GPC6: variants seen among roughly 807,000 people sequenced by gnomAD.
The protein encoded by GPC6 is glypican 6.
In GPC6, 14 loss-of-function variants were observed where a neutral mutation model predicts 55.2. The observed-to-expected ratio is 0.25, with a 90% CI of 0.17 to 0.40. The LOEUF is 0.40. Ranked by LOEUF, GPC6 falls within the 10% of genes least tolerant of loss-of-function variation. The pLI, the probability that GPC6 is intolerant of heterozygous loss-of-function variation, is 1.00. For synonymous variants in GPC6, 278 were observed against 259.6 expected (o/e 1.07, Z -0.68); for missense variants, 641 against 708.5 (o/e 0.90, Z 1.08).
intron 2 of GPC6, among the ~76,000 whole-genome samples, chr13:93,749,617 ATATT>A (rs1884509663): frequency 6.6e-6 from 1 of 152,090 alleles, no homozygotes; most frequent in Admixed American, 6.6e-5. Flanking sequence ...ATTGCAATAA[ATATT>A]TATAACATGT....
chr13:93,450,634 C>A, intron 1 of GPC6: 1 of 440,028 alleles, frequency 2.3e-6, no homozygotes. Flanking sequence ...ATAGCTCCCT[C>A]AACTTCTGCA....
intron 2 of GPC6, among the ~76,000 whole-genome samples, chr13:93,763,707 C>T (rs1205777641): frequency 6.6e-6 from 1 of 152,180 alleles, no homozygotes; most frequent in Non-Finnish European, 1.5e-5. Context: ...AGAATTTGTG[C>T]ACTTTGTAAA....
chr13:94,348,676 A>G (rs766650546), intron 6 of GPC6, among the ~76,000 whole-genome samples: 8 of 152,108 alleles, frequency 5.3e-5, no homozygotes, highest in Non-Finnish European at 1.2e-4. Flanking sequence ...TGTATCACAA[A>G]TGCTTCCTCC....
chr13:93,809,207 C>A (rs1214118796), intron 2 of GPC6, among the ~76,000 whole-genome samples: 1 of 152,162 alleles, frequency 6.6e-6, no homozygotes, highest in Admixed American at 6.5e-5. Context: ...TCTGCCAAGT[C>A]AGATGGCTAC....
intron 2 of GPC6, among the ~76,000 whole-genome samples, chr13:93,767,232 TTTGGAC>T (rs1885153922): frequency 6.6e-6 from 1 of 152,186 alleles, no homozygotes; most frequent in African/African-American, 2.4e-5. Context: ...GCAGCTGTAT[TTTGGAC>T]TTACTTAGAG....
chr13:93,631,751 A>G (rs1218721658), intron 2 of GPC6, among the ~76,000 whole-genome samples: 1 of 152,190 alleles, frequency 6.6e-6, no homozygotes, highest in Non-Finnish European at 1.5e-5. Flanking sequence ...TGTGTTCCCC[A>G]TGGCATCTAG....
intron 2 of GPC6, among the ~76,000 whole-genome samples, chr13:93,779,539 G>A (rs1229299200): frequency 6.6e-6 from 1 of 152,112 alleles, no homozygotes; most frequent in African/African-American, 2.4e-5. Context: ...GCTGGGTGGC[G>A]TGCCCCTCCA....
intron 1 of GPC6, among the ~76,000 whole-genome samples, chr13:93,407,265 T>TAGAG (rs556879120): frequency 6.6e-6 from 1 of 151,656 alleles, no homozygotes; most frequent in Admixed American, 6.6e-5. Flanking sequence ...ATTTTTTATT[T>TAGAG]AGAGAGAGAG....
rs147209725 is a variant in GPC6 at position 93,627,353 on chromosome 13, G to A, written c.319+81932G>A. 2.6e-3 allele frequency among the ~76,000 whole-genome samples: 403 copies of A among 152,138 alleles called. 3 individuals are homozygous for A. Among genetic ancestry groups the A allele is most frequent in the African/African-American group, 9.0e-3 (374 of 41,492 alleles). The stretch of plus-strand genomic sequence containing the variant: ...TGAACTCATCCTTTTTTATGGCTGC[G>A]TAATATTTCATGGTGTATATGTGCC... On this transcript the variant is annotated intron_variant, in intron 2 of 8. Coordinates refer to ENST00000377047, the MANE Select transcript of GPC6 (RefSeq NM_005708.5).
chr13:94,315,457 G>T (rs1478210027), intron 6 of GPC6, among the ~76,000 whole-genome samples: 1 of 152,160 alleles, frequency 6.6e-6, no homozygotes, highest in Non-Finnish European at 1.5e-5. Context: ...TGTCACAATG[G>T]CAGGGGAAAT....
intron 1 of GPC6, among the ~76,000 whole-genome samples, chr13:93,463,241 T>TTTATTATATATAC (rs1300698501): frequency 6.6e-6 from 1 of 152,210 alleles, no homozygotes; most frequent in Non-Finnish European, 1.5e-5. Flanking sequence ...AATGTTTTAT[T>TTTATTATATATAC]AGGTAGCCAC....
At chr13:93,612,506 C>CACACACACACACAT (rs1878521952) in intron 2 of GPC6, among the ~76,000 whole-genome samples, 1 of 143,316 alleles carries the variant, frequency 7.0e-6, no homozygotes, top group Non-Finnish European at 1.5e-5. Context: ...CTAAAACACA[C>CACACACACACACAT]ACACACACAC....
chr13:93,441,938 T>G (rs1369558162), intron 1 of GPC6, among the ~76,000 whole-genome samples: 1 of 151,752 alleles, frequency 6.6e-6, no homozygotes, highest in Non-Finnish European at 1.5e-5. Flanking sequence ...GAAGAAAGAG[T>G]AGGAGGGATG....
chr13:94,297,651 T>TA (rs1875416262), intron 5 of GPC6, among the ~76,000 whole-genome samples: 1 of 152,224 alleles, frequency 6.6e-6, no homozygotes, highest in African/African-American at 2.4e-5. Flanking sequence ...ATCCGACAGA[T>TA]ATTCTGGAAC....
chr13:94,229,919 A>G (rs1594079358), intron 4 of GPC6, among the ~76,000 whole-genome samples: 2 of 152,314 alleles, frequency 1.3e-5, no homozygotes, highest in East Asian at 1.9e-4. Context: ...CAGATATTCT[A>G]TGACCTTTTG....
chr13:93,955,523 G>A (rs1412274435), intron 3 of GPC6, among the ~76,000 whole-genome samples: 1 of 151,936 alleles, frequency 6.6e-6, no homozygotes, highest in African/African-American at 2.4e-5. Context: ...ATGAAAAACA[G>A]AGTCATCTAC....
At chr13:93,393,630 TTCTCTC>T (rs386380249) in intron 1 of GPC6, among the ~76,000 whole-genome samples, 14 of 65,914 alleles carry the variant, frequency 2.1e-4, no homozygotes, top group Non-Finnish European at 3.4e-4. Context: ...CTTAGACCTG[TTCTCTC>T]TCTCTCTCTC....
At chr13:93,964,227 T>C (rs1383292188) in intron 3 of GPC6, among the ~76,000 whole-genome samples, 1 of 152,184 alleles carries the variant, frequency 6.6e-6, no homozygotes, top group East Asian at 1.9e-4. Context: ...GTTAGATTGA[T>C]AACCTTGCAT....
intron 2 of GPC6, among the ~76,000 whole-genome samples, chr13:93,804,286 A>G (rs1430602348): frequency 6.6e-6 from 1 of 152,194 alleles, no homozygotes; most frequent in Non-Finnish European, 1.5e-5. Context: ...CACTCTTTCT[A>G]GAAAAGGCAT....
Sources: allele counts gnomAD v4.1 joint callset (sites outside exome capture counted in the v4.1 genomes callset), GRCh38; gene constraint gnomAD v4.1.1; transcripts MANE v1.5; gene names NCBI Gene and HGNC (gene_info 2026-07-23, HGNC 2026-07-21).